Variants in SGCZ observed in about 807,000 individuals in gnomAD.
SGCZ encodes sarcoglycan zeta, also known as zeta-sarcoglycan.
SGCZ carries 40 observed loss-of-function variants against 41.3 expected under a neutral mutation model. The ratio of observed to expected loss-of-function variants is 0.97; its 90% confidence interval spans 0.75 to 1.26. The LOEUF (loss-of-function observed/expected upper bound fraction) is 1.26. Among genes scored for constraint, SGCZ ranks in the 50% most tolerant of loss-of-function variants. SGCZ has a pLI of 0.00. For synonymous variants in SGCZ, 206 were observed against 137.5 expected (o/e 1.50, Z -3.49); for missense variants, 552 against 369.8 (o/e 1.49, Z -4.04).
At chr8:14,881,338 G>A (rs534793090) in intron 1 of SGCZ, among the ~76,000 whole-genome samples, 6 of 151,752 alleles carry the variant, frequency 4.0e-5, no homozygotes, top group Non-Finnish European at 8.8e-5. Context: ...TTTTTCCTTT[G>A]CTCCTAACCT....
chr8:14,580,617 A>G (rs568033922), intron 1 of SGCZ, among the ~76,000 whole-genome samples: 44 of 152,338 alleles, frequency 2.9e-4, no homozygotes, highest in African/African-American at 9.4e-4. Flanking sequence ...TGGACTTTTT[A>G]TAATAGAAAT....
chr8:15,189,843 G>A (rs1342054374), intron 1 of SGCZ, among the ~76,000 whole-genome samples: 5 of 152,040 alleles, frequency 3.3e-5, no homozygotes, highest in Admixed American at 1.3e-4. Context: ...GAGCCACCAC[G>A]CCCAGCCCTT....
At chr8:14,179,960 C>T (rs1804668422) in intron 4 of SGCZ, among the ~76,000 whole-genome samples, 1 of 152,192 alleles carries the variant, frequency 6.6e-6, no homozygotes, top group Non-Finnish European at 1.5e-5. Flanking sequence ...GGCCCAAGCA[C>T]TAGGGGCCTC....
At chr8:14,613,274 A>G (rs928295287) in intron 1 of SGCZ, among the ~76,000 whole-genome samples, 2 of 152,202 alleles carry the variant, frequency 1.3e-5, no homozygotes, top group African/African-American at 4.8e-5. Context: ...ACCTGAAAAT[A>G]TATTTCATAA....
intron 1 of SGCZ, among the ~76,000 whole-genome samples, chr8:14,702,372 T>G (rs995270621): frequency 6.6e-6 from 1 of 151,922 alleles, no homozygotes; most frequent in African/African-American, 2.4e-5. Flanking sequence ...ACACTCTTCT[T>G]AAGTGATCCA....
In SGCZ at chr8:14,513,551, C is replaced by T. The variant is rs189285853; in HGVS notation, c.234+41181G>A. Among the ~76,000 whole-genome samples, 4 of 97,976 alleles carry T rather than the reference C, an allele frequency of 4.1e-5. No individual in the cohort carries two copies. The East Asian group carries it at 8.6e-4, about 21-fold the overall frequency. The allele number at this position is 97,976 out of a possible 152,430, so 64.3% of individuals were successfully genotyped here. A position where few individuals can be genotyped will look rare whatever the true frequency, so the allele number is the denominator to read the frequency against. On this transcript the variant is annotated intron_variant, in intron 2 of 7. Coordinates refer to ENST00000382080, the MANE Select transcript of SGCZ (RefSeq NM_139167.4). ...AATATACATTAAAACAACTCTAGATCTGAGTGTTCATCTATAGCCCTTTCA... is the reference window on the plus strand; with the variant it reads ...AATATACATTAAAACAACTCTAGATTTGAGTGTTCATCTATAGCCCTTTCA...
chr8:14,505,857 G>T (rs879362856), intron 2 of SGCZ, among the ~76,000 whole-genome samples: 5 of 152,094 alleles, frequency 3.3e-5, no homozygotes, highest in Non-Finnish European at 5.9e-5. Context: ...TAATAAATCA[G>T]AAACACAGGA....
chr8:15,070,227 T>A (rs115850825), intron 1 of SGCZ, among the ~76,000 whole-genome samples: 1,668 of 152,274 alleles, frequency 0.011, 26 homozygotes, highest in African/African-American at 0.036. Context: ...AGCACTGCAA[T>A]ACATAAATAA....
chr8:14,442,031 G>A (rs1800286438), intron 2 of SGCZ, among the ~76,000 whole-genome samples: 1 of 152,190 alleles, frequency 6.6e-6, no homozygotes, highest in South Asian at 2.1e-4. Context: ...ATAACACTGA[G>A]TAAACTGCCC....
intron 1 of SGCZ, among the ~76,000 whole-genome samples, chr8:14,610,927 T>A (rs886095008): frequency 6.6e-6 from 1 of 152,192 alleles, no homozygotes; most frequent in African/African-American, 2.4e-5. Context: ...ACCACATGCT[T>A]CCAAACCTTC....
intron 1 of SGCZ, among the ~76,000 whole-genome samples, chr8:15,006,466 G>T (rs185452993): frequency 1.3e-5 from 2 of 152,120 alleles, no homozygotes; most frequent in African/African-American, 2.4e-5. Flanking sequence ...AGAACCTTAC[G>T]AAGCCTAATT....
intron 1 of SGCZ, among the ~76,000 whole-genome samples, chr8:15,014,742 T>A (rs1464770485): frequency 2.6e-5 from 4 of 152,228 alleles, no homozygotes; most frequent in Non-Finnish European, 4.4e-5. Context: ...GAGTCCATAC[T>A]GACTTTATAA....
rs534099833 is a variant in SGCZ at position 14,814,440 on chromosome 8, C to A, written c.40-259514G>T. ...AACTAGGAAGGCAGGGCCAATAGCA[C>A]TTTCCAGTATAAAGTAAGGGAAACA... is the stretch of plus-strand genomic sequence containing the variant. On this transcript the variant is annotated intron_variant, in intron 1 of 7. Coordinates refer to ENST00000382080, the MANE Select transcript of SGCZ (RefSeq NM_139167.4). Among the ~76,000 whole-genome samples the A allele has an allele frequency of 3.1e-3, 470 of 152,208 alleles. 2 individuals carry two copies. The highest frequency in any genetic ancestry group is 5.0e-3 in the Non-Finnish European group (340 of 68,006).
chr8:14,410,016 C>A (rs1799316328), intron 2 of SGCZ, among the ~76,000 whole-genome samples: 3 of 152,208 alleles, frequency 2.0e-5, no homozygotes, highest in African/African-American at 7.2e-5. Flanking sequence ...TGTTAGGAAC[C>A]TAGCCACATA....
At chr8:14,125,768 T>A (rs547918781) in intron 5 of SGCZ, among the ~76,000 whole-genome samples, 8 of 152,158 alleles carry the variant, frequency 5.3e-5, no homozygotes, top group Admixed American at 4.6e-4. Context: ...ACTGGTACCA[T>A]AACAGACATA....
intron 1 of SGCZ, among the ~76,000 whole-genome samples, chr8:14,691,376 C>A (rs747000304): frequency 6.6e-5 from 10 of 151,810 alleles, no homozygotes; most frequent in Non-Finnish European, 1.2e-4. Flanking sequence ...ATCTACAAAC[C>A]AAGTCAACCG....
intron 2 of SGCZ, among the ~76,000 whole-genome samples, chr8:14,396,938 T>C (rs1208111297): frequency 6.6e-6 from 1 of 152,218 alleles, no homozygotes; most frequent in Non-Finnish European, 1.5e-5. Flanking sequence ...GGAAATGTGC[T>C]GAATTGCTTT....
intron 1 of SGCZ, among the ~76,000 whole-genome samples, chr8:14,780,128 C>T (rs1469741882): frequency 6.6e-6 from 1 of 152,004 alleles, no homozygotes; most frequent in Non-Finnish European, 1.5e-5. Flanking sequence ...AATCCCAGCA[C>T]TTTGGGAGGC....
chr8:14,236,032 G>C (rs902299024), intron 4 of SGCZ, among the ~76,000 whole-genome samples: 14 of 152,134 alleles, frequency 9.2e-5, no homozygotes, highest in Admixed American at 3.3e-4. Context: ...TTATATCAAG[G>C]ACTGAATGCA....
Sources: allele counts gnomAD v4.1 joint callset (sites outside exome capture counted in the v4.1 genomes callset), GRCh38; gene constraint gnomAD v4.1.1; transcripts MANE v1.5; gene names NCBI Gene and HGNC (gene_info 2026-07-23, HGNC 2026-07-21).